Variants in GNG7 observed in about 807,000 individuals in gnomAD.
The protein encoded by GNG7 is G protein subunit gamma 7.
GNG7 carries 1 observed loss-of-function variant against 4.0 expected under a neutral mutation model. The ratio of observed to expected loss-of-function variants is 0.25; its 90% CI spans 0.09 to 1.18. The LOEUF (loss-of-function observed/expected upper bound fraction) is 1.18. GNG7 is among the 50% of genes most tolerant of loss of function. The pLI is 0.50. For synonymous variants in GNG7, 34 were observed against 36.9 expected (o/e 0.92, Z 0.29); for missense variants, 86 against 91.9 (o/e 0.94, Z 0.26).
intron 2 of GNG7, among the ~76,000 whole-genome samples, chr19:2,563,520 C>A (rs1225135713): frequency 6.6e-6 from 1 of 152,128 alleles, no homozygotes; most frequent in Non-Finnish European, 1.5e-5. Flanking sequence ...ATTTCTGTCG[C>A]CCAGGCTGGA....
chr19:2,673,929 C>T (rs1983530390), intron 1 of GNG7, among the ~76,000 whole-genome samples: 1 of 151,928 alleles, frequency 6.6e-6, no homozygotes, highest in Non-Finnish European at 1.5e-5. Flanking sequence ...ACAGAATTAG[C>T]TAACTAATAT....
chr19:2,541,764 G>GT (rs1445527626), intron 3 of GNG7, among the ~76,000 whole-genome samples: 1 of 150,132 alleles, frequency 6.7e-6, no homozygotes, highest in African/African-American at 2.4e-5. Context: ...AAATTAAAAG[G>GT]TAAGCTGGGT....
At chr19:2,528,951 C>T (rs1978499446) in intron 3 of GNG7, among the ~76,000 whole-genome samples, 1 of 152,178 alleles carries the variant, frequency 6.6e-6, no homozygotes, top group Admixed American at 6.6e-5. Context: ...ACATCCTGCA[C>T]CCAGCGAATG....
intron 1 of GNG7, 32 bp from the exon 2 acceptor site, chr19:2,646,312 G>A (rs1982664989): frequency 6.6e-6 from 1 of 152,162 alleles, no homozygotes; most frequent in Non-Finnish European, 1.5e-5. Flanking sequence ...AGTTTGGCGT[G>A]GCTTGGCTGG....
At chr19:2,663,523 T>C (rs1026691093) in intron 1 of GNG7, among the ~76,000 whole-genome samples, 2 of 152,208 alleles carry the variant, frequency 1.3e-5, no homozygotes, top group African/African-American at 4.8e-5. Context: ...ATCCAGTCTA[T>C]GGCATTCCAT....
intron 2 of GNG7, among the ~76,000 whole-genome samples, chr19:2,569,359 T>C (rs564063863): frequency 6.6e-6 from 1 of 152,212 alleles, no homozygotes; most frequent in Admixed American, 6.5e-5. Context: ...CACTGCAAGC[T>C]CCGCCTCCTG....
At chr19:2,553,471 T>C (rs1471605299) in intron 3 of GNG7, among the ~76,000 whole-genome samples, 2 of 147,176 alleles carry the variant, frequency 1.4e-5, no homozygotes, top group Non-Finnish European at 3.0e-5. Context: ...ATGTTATATA[T>C]TATATACTAT....
intron 2 of GNG7, among the ~76,000 whole-genome samples, chr19:2,559,061 A>T (rs960701211): frequency 6.6e-6 from 1 of 151,990 alleles, no homozygotes; most frequent in Non-Finnish European, 1.5e-5. Context: ...GGCCCCCCCA[A>T]AGTGCTGGGA....
At chr19:2,689,956 C>A (rs1388596095) in intron 1 of GNG7, among the ~76,000 whole-genome samples, 1 of 152,188 alleles carries the variant, frequency 6.6e-6, no homozygotes, top group African/African-American at 2.4e-5. Context: ...GCCAATAAAA[C>A]ATTATTTCTG....
chr19:2,594,109 G>A (rs897999272), intron 2 of GNG7, among the ~76,000 whole-genome samples: 2 of 152,024 alleles, frequency 1.3e-5, no homozygotes, highest in Non-Finnish European at 2.9e-5. Flanking sequence ...AGTGGCTCAC[G>A]CCTGTAATCC....
At chr19:2,600,045 CAAT>C (rs1354215089) in intron 2 of GNG7, among the ~76,000 whole-genome samples, 1 of 151,666 alleles carries the variant, frequency 6.6e-6, no homozygotes, top group Admixed American at 6.6e-5. Context: ...GTAAAAATCT[CAAT>C]AAAGCTGTCA....
chr19:2,661,302 GAGAAAGAAAGAA>G (rs71179906), intron 1 of GNG7, among the ~76,000 whole-genome samples: 5 of 73,122 alleles, frequency 6.8e-5, no homozygotes, highest in Admixed American at 4.6e-4. Context: ...AAGAAAGAAA[GAGAAAGAAAGAA>G]AGAAAGAAAG....
chr19:2,593,353 CA>C (rs1292821980), intron 2 of GNG7, among the ~76,000 whole-genome samples: 1 of 151,906 alleles, frequency 6.6e-6, no homozygotes, highest in Non-Finnish European at 1.5e-5. Context: ...TTTATATTTT[CA>C]AAGTGAAAAG....
At chr19:2,561,334 C>T (rs73918009) in intron 2 of GNG7, among the ~76,000 whole-genome samples, 44,779 of 152,034 alleles carry the variant, frequency 0.29, 7,261 homozygotes, top group Non-Finnish European at 0.37. Flanking sequence ...TGTTCAGCAC[C>T]CTGCAGTGCC....
intron 3 of GNG7, among the ~76,000 whole-genome samples, chr19:2,552,103 T>C (rs764289621): frequency 2.6e-5 from 4 of 152,122 alleles, no homozygotes; most frequent in Non-Finnish European, 5.9e-5. Context: ...GAACTGTGCA[T>C]GTAAGGGATC....
chr19:2,523,608 A>G (rs968753963), intron 3 of GNG7, among the ~76,000 whole-genome samples: 4 of 152,012 alleles, frequency 2.6e-5, no homozygotes, highest in African/African-American at 9.7e-5. Flanking sequence ...TGAGTGATAA[A>G]CTCACAGAGA....
chr19:2,518,564 G>A (rs1053844334), intron 4 of GNG7, among the ~76,000 whole-genome samples: 4 of 152,120 alleles, frequency 2.6e-5, no homozygotes, highest in African/African-American at 7.2e-5. Flanking sequence ...CTCACCGGCC[G>A]ATCAGAACCA....
chr19:2,671,574 T>C (rs1983453579), intron 1 of GNG7, among the ~76,000 whole-genome samples: 1 of 151,776 alleles, frequency 6.6e-6, no homozygotes, highest in South Asian at 2.1e-4. Context: ...CCAGGGGTCA[T>C]GAATTTGAGG....
At chr19:2,684,137 T>A (rs1470282986) in intron 1 of GNG7, among the ~76,000 whole-genome samples, 1 of 71,558 alleles carries the variant, frequency 1.4e-5, no homozygotes, top group Non-Finnish European at 3.1e-5. Context: ...GCCTGGCCAT[T>A]TTTTTTTTTT....
Sources: allele counts gnomAD v4.1 joint callset (sites outside exome capture counted in the v4.1 genomes callset), GRCh38; gene constraint gnomAD v4.1.1; transcripts MANE v1.5; gene names NCBI Gene and HGNC (gene_info 2026-07-23, HGNC 2026-07-21).